Variants in REEP1 observed in about 807,000 individuals in gnomAD.
REEP1 encodes the protein receptor accessory protein 1, also known as receptor expression-enhancing protein 1.
A neutral mutation model predicts 40.3 loss-of-function variants in REEP1; 22 were observed. The observed-to-expected ratio is 0.55, with a 90% CI of 0.39 to 0.78. The LOEUF (loss-of-function observed/expected upper bound fraction) is 0.78, where lower values mean the gene tolerates loss of function less well. REEP1 is among the 30% of genes least tolerant of loss of function. The pLI is 0.00. For missense variants in REEP1, 280 were observed against 361.1 expected (o/e 0.78, Z 1.82); for synonymous variants, 116 against 139.2 (o/e 0.83, Z 1.17).
At chr2:86,229,598 CTTTTTTTTTTT>C (rs70956106) in intron 6 of REEP1, among the ~76,000 whole-genome samples, 58,935 of 115,298 alleles carry the variant, frequency 0.51, 14,186 homozygotes, top group Middle Eastern at 0.61. Context: ...ACCTGTCTTC[CTTTTTTTTTTT>C]TTTTTTTTTT....
At chr2:86,285,461 G>C (rs1678337103) in intron 1 of REEP1, among the ~76,000 whole-genome samples, 1 of 152,172 alleles carries the variant, frequency 6.6e-6, no homozygotes, top group Non-Finnish European at 1.5e-5. Context: ...GCCAGGCACT[G>C]TTCTACAAGC....
intron 2 of REEP1, among the ~76,000 whole-genome samples, chr2:86,277,580 G>A (rs1297314132): frequency 6.6e-6 from 1 of 151,698 alleles, no homozygotes; most frequent in Non-Finnish European, 1.5e-5. Context: ...AAAGTCAATG[G>A]GTCATTACTA....
At chr2:86,312,154 C>A (rs1198935471) in intron 1 of REEP1, among the ~76,000 whole-genome samples, 1 of 152,200 alleles carries the variant, frequency 6.6e-6, no homozygotes, top group Non-Finnish European at 1.5e-5. Flanking sequence ...TGCCTGAAAG[C>A]AAAGTTCTGT....
At chr2:86,295,733 GT>G (rs879695363) in intron 1 of REEP1, among the ~76,000 whole-genome samples, 53 of 152,038 alleles carry the variant, frequency 3.5e-4, no homozygotes, top group South Asian at 1.0e-3. Context: ...TAGAGACGGG[GT>G]TTCACCGTGT....
chr2:86,233,380 C>T (rs533339796), intron 5 of REEP1, among the ~76,000 whole-genome samples: 122 of 152,176 alleles, frequency 8.0e-4, no homozygotes, highest in Non-Finnish European at 1.5e-3. Flanking sequence ...TCTGCTGGTG[C>T]ATTTCAGCTT....
At chr2:86,282,070 G>T in intron 2 of REEP1, 100 bp downstream of exon 2, 1 of 818,264 alleles carries the variant, frequency 1.2e-6, no homozygotes, top group Non-Finnish European at 2.2e-6. Context: ...CCTTTTCCCT[G>T]CTTCCAGTGC....
In REEP1 at chr2:86,285,835, C is replaced by A. The variant is rs1338804604; in HGVS notation, c.33-3593G>T. On this transcript the variant is annotated intron_variant, in intron 1 of 8. Transcript: ENST00000538924. ...CAGCCCACTTGCTAGACTCACGTAACTTTCTAGGAAGTCAGAAAAAATGTG... is the reference window on the plus strand; with the variant it reads ...CAGCCCACTTGCTAGACTCACGTAAATTTCTAGGAAGTCAGAAAAAATGTG... Among the ~76,000 whole-genome samples, 5 of 152,142 alleles carry A rather than the reference C, an allele frequency of 3.3e-5. No homozygotes were observed. In the East Asian group the frequency reaches 9.6e-4, roughly 29 times the overall value.
intron 6 of REEP1, among the ~76,000 whole-genome samples, chr2:86,228,067 G>A (rs1674810516): frequency 6.6e-6 from 1 of 152,172 alleles, no homozygotes; most frequent in Non-Finnish European, 1.5e-5. Flanking sequence ...GACCCTTTAA[G>A]CAAAGAGGAA....
intron 6 of REEP1, among the ~76,000 whole-genome samples, chr2:86,228,121 C>T (rs1674813455): frequency 6.6e-6 from 1 of 152,206 alleles, no homozygotes; most frequent in African/African-American, 2.4e-5. Context: ...CACTGCCCAG[C>T]CCCATCCTGG....
At chr2:86,247,420 T>G (rs1403772991) in intron 5 of REEP1, among the ~76,000 whole-genome samples, 1 of 152,142 alleles carries the variant, frequency 6.6e-6, no homozygotes, top group Non-Finnish European at 1.5e-5. Context: ...ATTAATAAGC[T>G]GGGCATGGTG....
chr2:86,236,700 C>T (rs1675342988), intron 5 of REEP1, among the ~76,000 whole-genome samples: 1 of 151,916 alleles, frequency 6.6e-6, no homozygotes, highest in Middle Eastern at 3.2e-3. Context: ...ATGACAACAC[C>T]CACCTACTCC....
intron 3 of REEP1, among the ~76,000 whole-genome samples, chr2:86,260,868 T>C (rs774020458): frequency 6.6e-6 from 1 of 152,218 alleles, no homozygotes; most frequent in African/African-American, 2.4e-5. Context: ...ACAGAAGCTG[T>C]GGAATCACAC....
intron 1 of REEP1, among the ~76,000 whole-genome samples, chr2:86,300,915 A>G (rs553612119): frequency 1.7e-4 from 26 of 152,244 alleles, no homozygotes; most frequent in African/African-American, 6.0e-4. Flanking sequence ...AAAATCATGC[A>G]TCTCTGTGTA....
intron 2 of REEP1, chr2:86,280,152 G>C (rs1260548961): frequency 2.4e-6 from 1 of 421,128 alleles, no homozygotes; most frequent in Non-Finnish European, 4.8e-6. Context: ...TAGTCGAAAG[G>C]ACTGCAGGAA....
chr2:86,225,275 CT>C (rs1022485421), intron 7 of REEP1, among the ~76,000 whole-genome samples: 4 of 152,144 alleles, frequency 2.6e-5, no homozygotes, highest in African/African-American at 9.7e-5. Flanking sequence ...GAATCCCCAG[CT>C]TTTTTGTTTT....
chr2:86,304,172 G>A (rs1200228193), intron 1 of REEP1, among the ~76,000 whole-genome samples: 2 of 152,058 alleles, frequency 1.3e-5, no homozygotes, highest in South Asian at 2.1e-4. Context: ...AGAGCCATTC[G>A]CACAGGTGCT....
chr2:86,232,283 A>G (rs1675062803), intron 6 of REEP1, among the ~76,000 whole-genome samples: 2 of 152,110 alleles, frequency 1.3e-5, no homozygotes, highest in Non-Finnish European at 2.9e-5. Flanking sequence ...GACAACACAG[A>G]AGGCTCCCGG....
chr2:86,263,671 C>T (rs761150949), intron 3 of REEP1, among the ~76,000 whole-genome samples: 26 of 152,158 alleles, frequency 1.7e-4, no homozygotes, highest in Non-Finnish European at 3.2e-4. Context: ...ACTTTTTTAA[C>T]GTACGAATGC....
At chr2:86,265,863 A>AGT (rs1677107082) in intron 2 of REEP1, among the ~76,000 whole-genome samples, 1 of 152,240 alleles carries the variant, frequency 6.6e-6, no homozygotes, top group Non-Finnish European at 1.5e-5. Flanking sequence ...TGATGGTTAC[A>AGT]CTAAAAGCCC....
Sources: gnomAD v4.1 joint callset for allele counts (sites outside exome capture counted in the v4.1 genomes callset) on GRCh38, gnomAD v4.1.1 for gene constraint, MANE v1.5 for transcripts, NCBI Gene and HGNC (gene_info 2026-07-23, HGNC 2026-07-21) for gene names.